SLC4A10: variants seen among roughly 807,000 people sequenced by gnomAD.
SLC4A10 encodes the protein sodium-driven chloride bicarbonate exchanger.
Under a neutral mutation model 137.7 loss-of-function variants are expected in SLC4A10, and 42 were observed. The ratio of observed to expected loss-of-function variants is 0.30; its 90% CI spans 0.24 to 0.39. SLC4A10 has a LOEUF of 0.39. Among genes scored for constraint, SLC4A10 ranks in the 10% least tolerant of loss-of-function variants. The pLI, the probability that SLC4A10 is intolerant of heterozygous loss-of-function variation, is 1.00. For missense variants in SLC4A10, 925 were observed against 1,355.0 expected (o/e 0.68, Z 4.98); for synonymous variants, 474 against 464.1 (o/e 1.02, Z -0.27).
At chr2:161,699,501 C>T (rs2124992912) in intron 1 of SLC4A10, among the ~76,000 whole-genome samples, 1 of 152,220 alleles carries the variant, frequency 6.6e-6, no homozygotes, top group African/African-American at 2.4e-5. Context: ...TGATTCACAG[C>T]ATAGTTTAAG....
At chr2:161,626,809 AT>A (rs139069598) in intron 1 of SLC4A10, among the ~76,000 whole-genome samples, 150 of 152,206 alleles carry the variant, frequency 9.9e-4, no homozygotes, top group African/African-American at 3.5e-3. Flanking sequence ...AAAATTCAAT[AT>A]TTTTTACATT....
At chr2:161,952,522 T>G (rs1402098457) in intron 19 of SLC4A10, among the ~76,000 whole-genome samples, 21 of 152,218 alleles carry the variant, frequency 1.4e-4, no homozygotes. Flanking sequence ...TAAATCTGTT[T>G]TATTGTGCAA....
intron 1 of SLC4A10, among the ~76,000 whole-genome samples, chr2:161,659,204 G>T (rs565732468): frequency 3.9e-5 from 6 of 152,234 alleles, no homozygotes; most frequent in African/African-American, 1.4e-4. Flanking sequence ...ATATATACAC[G>T]ATGGAATACT....
intron 16 of SLC4A10, among the ~76,000 whole-genome samples, chr2:161,945,593 T>C (rs1424830696): frequency 6.6e-6 from 1 of 151,714 alleles, no homozygotes; most frequent in Non-Finnish European, 1.5e-5. Flanking sequence ...TCTGTGTGTA[T>C]GTGTGCATGT....
chr2:161,696,894 AT>A (rs2042570533), intron 1 of SLC4A10, among the ~76,000 whole-genome samples: 1 of 152,146 alleles, frequency 6.6e-6, no homozygotes. Context: ...GTCTTCCACA[AT>A]GGTTGAACTA....
chr2:161,916,065 A>T (rs1687051369), intron 15 of SLC4A10, among the ~76,000 whole-genome samples: 1 of 152,214 alleles, frequency 6.6e-6, no homozygotes, highest in African/African-American at 2.4e-5. Context: ...AGAGGAGACC[A>T]ACCCTGTTGG....
intron 1 of SLC4A10, among the ~76,000 whole-genome samples, chr2:161,730,052 G>A (rs1221107648): frequency 6.6e-6 from 1 of 152,138 alleles, no homozygotes; most frequent in Non-Finnish European, 1.5e-5. Context: ...TCAAATAAGA[G>A]GAAAGAGTGA....
intron 5 of SLC4A10, among the ~76,000 whole-genome samples, chr2:161,860,221 G>A (rs913285888): frequency 1.3e-5 from 2 of 152,108 alleles, no homozygotes; most frequent in African/African-American, 2.4e-5. Flanking sequence ...TGTAACTAAT[G>A]AACAGATGAG....
At chr2:161,805,210 G>A (rs765968817) in intron 3 of SLC4A10, among the ~76,000 whole-genome samples, 4 of 152,010 alleles carry the variant, frequency 2.6e-5, no homozygotes, top group East Asian at 3.9e-4. Flanking sequence ...TCACTATCAC[G>A]AGAAAAGCAC....
chr2:161,890,720 C>G (rs2062824583), intron 10 of SLC4A10, among the ~76,000 whole-genome samples: 1 of 152,168 alleles, frequency 6.6e-6, no homozygotes, highest in South Asian at 2.1e-4. Flanking sequence ...ATACAGCACA[C>G]CAATGGGTCT....
intron 1 of SLC4A10, among the ~76,000 whole-genome samples, chr2:161,629,387 T>C (rs1479542942): frequency 6.6e-6 from 1 of 151,628 alleles, no homozygotes; most frequent in East Asian, 1.9e-4. Context: ...TGGAATTATA[T>C]GTATATATAT....
At chr2:161,934,765 T>C (rs1439063334) in intron 15 of SLC4A10, among the ~76,000 whole-genome samples, 1 of 152,200 alleles carries the variant, frequency 6.6e-6, no homozygotes, top group Non-Finnish European at 1.5e-5. Context: ...TCTATTCAGA[T>C]ACTTTGCCCA....
intron 1 of SLC4A10, among the ~76,000 whole-genome samples, chr2:161,727,392 G>GTTCA (rs1209191002): frequency 1.3e-5 from 2 of 152,162 alleles, no homozygotes; most frequent in Non-Finnish European, 2.9e-5. Flanking sequence ...TCAGTATTTA[G>GTTCA]TTCACACTCT....
intron 1 of SLC4A10, among the ~76,000 whole-genome samples, chr2:161,741,656 T>C (rs1334178499): frequency 6.6e-6 from 1 of 152,168 alleles, no homozygotes; most frequent in African/African-American, 2.4e-5. Context: ...AATGGCAGGA[T>C]CTCCTTTAAA....
intron 2 of SLC4A10, among the ~76,000 whole-genome samples, chr2:161,794,474 G>A (rs753295737): frequency 6.6e-6 from 1 of 152,092 alleles, no homozygotes; most frequent in Non-Finnish European, 1.5e-5. Flanking sequence ...TGTAAGTGCT[G>A]TAAGAGTTCA....
At chr2:161,850,574 TG>T (rs1320739857) in intron 4 of SLC4A10, among the ~76,000 whole-genome samples, 1 of 152,122 alleles carries the variant, frequency 6.6e-6, no homozygotes, top group Non-Finnish European at 1.5e-5. Flanking sequence ...CTTTGTTTTC[TG>T]ATTGTGTTTA....
chr2:161,879,437 A>G, intron 9 of SLC4A10, 149 bp downstream of exon 9: 1 of 790,524 alleles, frequency 1.3e-6, no homozygotes, highest in Non-Finnish European at 1.9e-6. Context: ...TTTGTGGAGG[A>G]GGGGAAAAGT....
intron 11 of SLC4A10, among the ~76,000 whole-genome samples, chr2:161,900,327 G>A (rs945896140): frequency 6.6e-6 from 1 of 151,970 alleles, no homozygotes; most frequent in African/African-American, 2.4e-5. Context: ...TATTTACTGG[G>A]TAGAAAAACA....
chr2:161,913,286 T>G (rs1686299241), intron 15 of SLC4A10, among the ~76,000 whole-genome samples: 1 of 152,154 alleles, frequency 6.6e-6, no homozygotes, highest in African/African-American at 2.4e-5. Flanking sequence ...CAACCACTAA[T>G]ACACATACCA....
Sources: gnomAD v4.1 joint callset for allele counts (sites outside exome capture counted in the v4.1 genomes callset) on GRCh38, gnomAD v4.1.1 for gene constraint, MANE v1.5 for transcripts, NCBI Gene and HGNC (gene_info 2026-07-23, HGNC 2026-07-21) for gene names.